The following C1orf21 variants were observed in gnomAD, a reference collection of about 807,000 sequenced individuals.
C1orf21 encodes uncharacterized protein C1orf21.
In C1orf21, 3 loss-of-function variants were observed where a neutral mutation model predicts 18.7. The ratio of observed to expected loss-of-function variants is 0.16; its 90% CI spans 0.07 to 0.42. The LOEUF is 0.42. C1orf21 is among the 10% of genes least tolerant of loss of function. The probability of loss-of-function intolerance (pLI) is 0.99; values close to 1 mark genes in which losing one functional copy is unlikely to be tolerated. For missense variants in C1orf21, 104 were observed against 143.6 expected, an observed-to-expected ratio of 0.72 and a Z score of 1.41; for synonymous variants, 41 against 46.4, an observed-to-expected ratio of 0.88 and a Z score of 0.47.
chr1:184,503,077 CAAAAAA>C (rs199599189), intron 2 of C1orf21, among the ~76,000 whole-genome samples: 136 of 61,640 alleles, frequency 2.2e-3, no homozygotes, highest in East Asian at 5.9e-3. Flanking sequence ...GAAACTGTCT[CAAAAAA>C]AAAAAAAAAA....
intron 3 of C1orf21, among the ~76,000 whole-genome samples, chr1:184,584,247 C>A (rs777516087): frequency 4.0e-5 from 6 of 148,208 alleles, no homozygotes; most frequent in Non-Finnish European, 7.4e-5. Context: ...AAACTGACTT[C>A]TTTATGCAAA....
At chr1:184,475,546 G>T (rs1268832504) in intron 1 of C1orf21, among the ~76,000 whole-genome samples, 1 of 151,906 alleles carries the variant, frequency 6.6e-6, no homozygotes, top group East Asian at 1.9e-4. Flanking sequence ...CTGCTTTTTT[G>T]AATTCTGCAT....
chr1:184,419,339 A>G (rs1376654613), intron 1 of C1orf21, among the ~76,000 whole-genome samples: 1 of 152,248 alleles, frequency 6.6e-6, no homozygotes, highest in Non-Finnish European at 1.5e-5. Context: ...TTCATACTAT[A>G]GTAACTCAGT....
chr1:184,448,051 G>A (rs946831583), intron 1 of C1orf21, among the ~76,000 whole-genome samples: 1 of 152,050 alleles, frequency 6.6e-6, no homozygotes, highest in African/African-American at 2.4e-5. Flanking sequence ...CTTCTGTCTT[G>A]ACAACATGGG....
At chr1:184,460,044 C>T (rs1048882303) in intron 1 of C1orf21, among the ~76,000 whole-genome samples, 4 of 152,192 alleles carry the variant, frequency 2.6e-5, no homozygotes, top group Non-Finnish European at 5.9e-5. Context: ...ACTCCACACA[C>T]GGGCTCCTTC....
chr1:184,442,597 G>A lies in C1orf21; in HGVS notation c.-124-34789G>A, dbSNP rs149366832. 7.8e-4 allele frequency among the ~76,000 whole-genome samples: 118 copies of A among 152,212 alleles called. No individual in the cohort carries two copies. The East Asian group carries it at 0.015, about 19-fold the overall frequency. Reference sequence around the variant, plus strand: ...TTGAACATTAGTTTCCCCATGGCATGTATCAGTTTGGCTCCAATCTTATGA... The same window carrying A: ...TTGAACATTAGTTTCCCCATGGCATATATCAGTTTGGCTCCAATCTTATGA... On this transcript the variant is annotated intron_variant, in intron 1 of 5. Transcript: ENST00000235307.
intron 3 of C1orf21, among the ~76,000 whole-genome samples, chr1:184,583,487 T>A (rs1659310521): frequency 6.6e-6 from 1 of 151,916 alleles, no homozygotes; most frequent in Non-Finnish European, 1.5e-5. Flanking sequence ...AGTTAAAGAG[T>A]TTGCTGGTCT....
At chr1:184,606,928 C>T (rs1434479477) in intron 5 of C1orf21, among the ~76,000 whole-genome samples, 1 of 152,160 alleles carries the variant, frequency 6.6e-6, no homozygotes. Context: ...GAGACATTCC[C>T]GTTTATATCA....
intron 1 of C1orf21, among the ~76,000 whole-genome samples, chr1:184,452,934 T>G (rs1281931496): frequency 6.6e-6 from 1 of 152,148 alleles, no homozygotes; most frequent in Non-Finnish European, 1.5e-5. Flanking sequence ...TTGTCCCTGG[T>G]ATCATGAGGA....
chr1:184,505,338 T>TACAC (rs1553253574), intron 2 of C1orf21, among the ~76,000 whole-genome samples: 2 of 133,628 alleles, frequency 1.5e-5, no homozygotes, highest in African/African-American at 6.5e-5. Flanking sequence ...TATATATATA[T>TACAC]ATACACACAT....
chr1:184,530,430 T>A (rs1658442354), intron 3 of C1orf21, among the ~76,000 whole-genome samples: 1 of 152,126 alleles, frequency 6.6e-6, no homozygotes, highest in African/African-American at 2.4e-5. Context: ...ACAGTGATGA[T>A]GAAGGCAATG....
chr1:184,592,815 G>A (rs1009084745), intron 4 of C1orf21, among the ~76,000 whole-genome samples: 11 of 152,116 alleles, frequency 7.2e-5, no homozygotes, highest in Admixed American at 1.3e-4. Context: ...CTGTGGTGTC[G>A]CAGTTAGGAG....
At chr1:184,546,552 T>C (rs191947049) in intron 3 of C1orf21, among the ~76,000 whole-genome samples, 118 of 152,274 alleles carry the variant, frequency 7.7e-4, no homozygotes, top group African/African-American at 2.8e-3. Flanking sequence ...TACCATCTAA[T>C]GGGAAACTCT....
chr1:184,584,623 T>G (rs1659328242), intron 3 of C1orf21, among the ~76,000 whole-genome samples: 1 of 152,238 alleles, frequency 6.6e-6, no homozygotes, highest in Admixed American at 6.5e-5. Flanking sequence ...ATCTGAATGT[T>G]CATAACATCG....
At chr1:184,502,102 T>G (rs552971895) in intron 2 of C1orf21, among the ~76,000 whole-genome samples, 9 of 152,332 alleles carry the variant, frequency 5.9e-5, no homozygotes, top group Non-Finnish European at 1.2e-4. Flanking sequence ...GAGATGAGTC[T>G]TACACCACTG....
rs1660035570 is a variant in C1orf21, at chr1:184,627,506, G to A, written c.*7950G>A. 1.3e-5 allele frequency: 2 copies of A among 152,130 alleles called. No homozygotes were observed. The highest frequency in any genetic ancestry group is 2.9e-5 in the Non-Finnish European group (2 of 68,046). 9.4% of individuals were successfully genotyped at this position (152,130 alleles called of 1,614,324 possible). A position where few individuals can be genotyped will look rare whatever the true frequency, so the allele number is the denominator to read the frequency against. On this transcript the variant is annotated 3_prime_UTR_variant, in exon 6 of 6. Coordinates refer to ENST00000235307, the MANE Select transcript of C1orf21 (RefSeq NM_030806.4). ...GGGGCACTGGGCCTTGCTGCACCTTGGGGCTGACCTTTTTTGCAAAACACC... is the reference window on the plus strand; with the variant it reads ...GGGGCACTGGGCCTTGCTGCACCTTAGGGCTGACCTTTTTTGCAAAACACC...
chr1:184,484,313 A>G (rs967175861), intron 2 of C1orf21, among the ~76,000 whole-genome samples: 3 of 152,138 alleles, frequency 2.0e-5, no homozygotes, highest in African/African-American at 7.2e-5. Flanking sequence ...TAGGCCCTCC[A>G]GTACATGGTG....
chr1:184,463,006 T>C (rs964704022), intron 1 of C1orf21, among the ~76,000 whole-genome samples: 3 of 145,062 alleles, frequency 2.1e-5, no homozygotes, highest in Non-Finnish European at 3.0e-5. Flanking sequence ...CACTTGAACC[T>C]AGGAGGCGGA....
intron 3 of C1orf21, among the ~76,000 whole-genome samples, chr1:184,519,480 T>C (rs530222082): frequency 6.6e-6 from 1 of 152,332 alleles, no homozygotes; most frequent in South Asian, 2.1e-4. Flanking sequence ...GATTTATTTA[T>C]CTCACTAAAA....
Sources: allele counts gnomAD v4.1 joint callset (sites outside exome capture counted in the v4.1 genomes callset), GRCh38; gene constraint gnomAD v4.1.1; transcripts MANE v1.5; gene names NCBI Gene and HGNC (gene_info 2026-07-23, HGNC 2026-07-21).